MAML3: variants seen among roughly 807,000 people sequenced by gnomAD.
MAML3 encodes mastermind like transcriptional coactivator 3.
In MAML3, 27 loss-of-function variants were observed where a neutral mutation model predicts 101.9. That is an observed-to-expected ratio of 0.27 (90% CI 0.20 to 0.37). MAML3 has a LOEUF of 0.37. MAML3 is among the 10% of genes least tolerant of loss of function. The probability of loss-of-function intolerance (pLI) is 1.00; values close to 1 mark genes in which losing one functional copy is unlikely to be tolerated. For missense variants in MAML3, 1,316 were observed against 1,444.9 expected (o/e 0.91, Z 1.45); for synonymous variants, 501 against 555.9 (o/e 0.90, Z 1.39).
chr4:139,973,762 A>G (rs911725130), intron 1 of MAML3, among the ~76,000 whole-genome samples: 3 of 152,206 alleles, frequency 2.0e-5, no homozygotes, highest in Non-Finnish European at 2.9e-5. Flanking sequence ...GGATGCTGCC[A>G]CAATTGTCTC....
chr4:140,061,144 T>C (rs911913253), intron 1 of MAML3, among the ~76,000 whole-genome samples: 1 of 152,206 alleles, frequency 6.6e-6, no homozygotes, highest in Non-Finnish European at 1.5e-5. Context: ...TCCCTTTATT[T>C]TTCCTGTTCC....
intron 1 of MAML3, among the ~76,000 whole-genome samples, chr4:139,908,841 G>C (rs1168758042): frequency 1.3e-5 from 2 of 152,278 alleles, no homozygotes; most frequent in Non-Finnish European, 1.5e-5. Flanking sequence ...TCTGAGATTC[G>C]CAGAGAATGA....
intron 2 of MAML3, chr4:139,740,642 G>A (rs1346433028): frequency 6.6e-6 from 1 of 152,108 alleles, no homozygotes; most frequent in African/African-American, 2.4e-5. Context: ...CATAACTGAT[G>A]CATAGGCCTA....
chr4:140,045,458 GT>G (rs543893988), intron 1 of MAML3, among the ~76,000 whole-genome samples: 15 of 147,114 alleles, frequency 1.0e-4, no homozygotes, highest in Non-Finnish European at 1.8e-4. Context: ...TTGTTTGTTT[GT>G]TTTTTTTAAT....
At chr4:139,995,190 TTA>T (rs1333362666) in intron 1 of MAML3, among the ~76,000 whole-genome samples, 2 of 152,208 alleles carry the variant, frequency 1.3e-5, no homozygotes, top group African/African-American at 4.8e-5. Context: ...TATTAATACA[TTA>T]TGTTACATTG....
At chr4:139,723,942 G>T (rs891775612) in intron 4 of MAML3, among the ~76,000 whole-genome samples, 3 of 152,206 alleles carry the variant, frequency 2.0e-5, no homozygotes, top group African/African-American at 7.2e-5. Context: ...AGCTCCGCTG[G>T]TGCTTTCAGT....
At chr4:139,759,467 C>T (rs74672834) in intron 2 of MAML3, among the ~76,000 whole-genome samples, 263 of 152,352 alleles carry the variant, frequency 1.7e-3, no homozygotes, top group Middle Eastern at 3.4e-3. Flanking sequence ...CTTGAACCAG[C>T]ATCTCTCCCT....
chr4:139,806,976 C>A (rs1730713572), intron 2 of MAML3, among the ~76,000 whole-genome samples: 1 of 152,124 alleles, frequency 6.6e-6, no homozygotes, highest in Non-Finnish European at 1.5e-5. Context: ...ACATCAGGTG[C>A]ATAGTTCTTT....
chr4:139,832,094 C>CTTTTTTTTTTTTTTTTT lies in MAML3; in HGVS notation c.2079+57246_2079+57262dup, dbSNP rs70943444. Among the ~76,000 whole-genome samples the CTTTTTTTTTTTTTTTTT allele has an allele frequency of 3.7e-3, 242 of 64,700 alleles. 30 individuals are homozygous for CTTTTTTTTTTTTTTTTT. Among genetic ancestry groups the CTTTTTTTTTTTTTTTTT allele is most frequent in the Non-Finnish European group, 6.1e-3 (183 of 29,896 alleles). 42.4% of individuals were successfully genotyped at this position (64,700 alleles called of 152,430 possible). On this transcript the variant is annotated intron_variant, in intron 2 of 4. Coordinates refer to ENST00000509479, the MANE Select transcript of MAML3 (RefSeq NM_018717.5). ...AGGCGTGAGCCATCATGCCCAGCCC[C>CTTTTTTTTTTTTTTTTT]TTTTTTTTTTTTTTTTTTTTTTTTT...
intron 2 of MAML3, among the ~76,000 whole-genome samples, chr4:139,806,424 T>A (rs1730700808): frequency 6.6e-6 from 1 of 152,152 alleles, no homozygotes; most frequent in African/African-American, 2.4e-5. Flanking sequence ...CAAAATATAT[T>A]TTTTCACTAT....
intron 1 of MAML3, among the ~76,000 whole-genome samples, chr4:139,988,736 C>T (rs944634284): frequency 2.0e-5 from 3 of 152,168 alleles, no homozygotes; most frequent in Non-Finnish European, 4.4e-5. Flanking sequence ...AGAACTCAAA[C>T]TGTGTACTTA....
intron 1 of MAML3, among the ~76,000 whole-genome samples, chr4:140,058,623 G>A (rs1446431784): frequency 6.6e-6 from 1 of 150,954 alleles, no homozygotes; most frequent in Non-Finnish European, 1.5e-5. Flanking sequence ...TTTGTATCTT[G>A]CCTGTCTCAG....
chr4:139,930,533 TAA>T (rs1360163307), intron 1 of MAML3, among the ~76,000 whole-genome samples: 1 of 152,116 alleles, frequency 6.6e-6, no homozygotes, highest in Non-Finnish European at 1.5e-5. Context: ...CTTTATAAAT[TAA>T]AGGAAGCAGG....
intron 2 of MAML3, among the ~76,000 whole-genome samples, chr4:139,870,048 T>C (rs1471447005): frequency 6.6e-6 from 1 of 152,236 alleles, no homozygotes; most frequent in Non-Finnish European, 1.5e-5. Context: ...TTCAAGATCG[T>C]TTGAAGATTA....
intron 1 of MAML3, among the ~76,000 whole-genome samples, chr4:140,051,646 A>G (rs1358752475): frequency 6.6e-6 from 1 of 152,186 alleles, no homozygotes; most frequent in Admixed American, 6.5e-5. Context: ...TCACCAAGAT[A>G]GGTACACACT....
chr4:139,798,097 G>GA, intron 2 of MAML3, among the ~76,000 whole-genome samples: 1 of 147,606 alleles, frequency 6.8e-6, no homozygotes, highest in South Asian at 2.2e-4. Context: ...AGAAAGAAAA[G>GA]GGATTAAGAA....
chr4:140,130,557 G>A (rs1728774612), intron 1 of MAML3, among the ~76,000 whole-genome samples: 1 of 152,192 alleles, frequency 6.6e-6, no homozygotes, highest in Non-Finnish European at 1.5e-5. Flanking sequence ...ATTTGGCCTT[G>A]CTGAAAGAAG....
chr4:139,978,567 A>G (rs1734386829), intron 1 of MAML3, among the ~76,000 whole-genome samples: 1 of 148,774 alleles, frequency 6.7e-6, no homozygotes, highest in African/African-American at 2.5e-5. Flanking sequence ...GACCCTCACT[A>G]TGTCTTCCAA....
At chr4:140,143,960 A>G (rs1007438508) in intron 1 of MAML3, among the ~76,000 whole-genome samples, 6 of 152,182 alleles carry the variant, frequency 3.9e-5, no homozygotes, top group Non-Finnish European at 7.4e-5. Flanking sequence ...GATGTTTTTA[A>G]AAAGCTGAGA....
Sources: gnomAD v4.1 joint callset for allele counts (sites outside exome capture counted in the v4.1 genomes callset) on GRCh38, gnomAD v4.1.1 for gene constraint, MANE v1.5 for transcripts, NCBI Gene and HGNC (gene_info 2026-07-23, HGNC 2026-07-21) for gene names.